STRIP2: variants seen among roughly 807,000 people sequenced by gnomAD.
The protein encoded by STRIP2 is striatin-interacting protein 2.
In STRIP2, 84 loss-of-function variants were observed where a neutral mutation model predicts 107.1. The ratio of observed to expected loss-of-function variants is 0.78; its 90% confidence interval spans 0.66 to 0.94. The LOEUF (loss-of-function observed/expected upper bound fraction) is 0.94. Among genes scored for constraint, STRIP2 ranks in the 40% least tolerant of loss-of-function variants. STRIP2 has a pLI of 0.00. For missense variants in STRIP2, 888 were observed against 1,034.2 expected (o/e 0.86, Z 1.94); for synonymous variants, 394 against 400.4 (o/e 0.98, Z 0.19).
At position 129,486,375 on chromosome 7, in the gene STRIP2, GATTTACT is replaced by G. The variant is rs1280754148; in HGVS notation, c.*550_*556del. 6.3e-6 allele frequency: 1 copy of G among 159,334 alleles called. No individual in the cohort carries two copies. The highest frequency in any genetic ancestry group is 1.4e-5 in the Non-Finnish European group (1 of 71,600). The allele number at this position is 159,334 out of a possible 1,614,324, so 9.9% of individuals were successfully genotyped here. On this transcript the variant is annotated 3_prime_UTR_variant, in exon 21 of 21. Coordinates refer to ENST00000249344, the MANE Select transcript of STRIP2 (RefSeq NM_020704.3). Reference sequence around the variant, plus strand: ...CTGCACCTTCTTTGTGAAGGATGATGATTTACTATTCCCTCAATACTGCATGTTATCG... The same window carrying G: ...CTGCACCTTCTTTGTGAAGGATGATGATTCCCTCAATACTGCATGTTATCG...
Position 129,483,406 on chromosome 7 carries a change from A to G in STRIP2, c.2254+360A>G. The G allele has an allele frequency of 1.3e-6, 1 of 787,406 alleles. No individual in the cohort carries two copies. The highest frequency in any genetic ancestry group is 1.6e-6 in the Non-Finnish European group (1 of 631,776). The allele number at this position is 787,406 out of a possible 1,614,324, so 48.8% of individuals were successfully genotyped here. A position where few individuals can be genotyped will look rare whatever the true frequency, so the allele number is the denominator to read the frequency against. ...AAAGATAGAAAATACAAGTAAACAA[A>G]CATTTTACTATATTATATTTATGCC... On this transcript the variant is annotated intron_variant, in intron 20 of 20. Coordinates refer to ENST00000249344, the MANE Select transcript of STRIP2 (RefSeq NM_020704.3). This position sits in a 1 kb window ranked among gnomAD's most constrained non-coding sequence, Gnocchi z 5.1.
chr7:129,463,145 C>T, intron 14 of STRIP2, 105 bp downstream of exon 14: 1 of 905,434 alleles, frequency 1.1e-6, no homozygotes, highest in Non-Finnish European at 1.7e-6. Context: ...GTTTCCTGAG[C>T]CTTTGCCCCT....
chr7:129,466,904 G>A (rs188172212), intron 16 of STRIP2, among the ~76,000 whole-genome samples: 1 of 152,184 alleles, frequency 6.6e-6, no homozygotes, highest in Non-Finnish European at 1.5e-5. Context: ...GGTCCATTTG[G>A]TTATTATGTG....
intron 13 of STRIP2, chr7:129,460,639 A>C (rs951141758): frequency 3.0e-5 from 13 of 438,826 alleles, no homozygotes; most frequent in Non-Finnish European, 5.1e-5. Context: ...TAGACTACTT[A>C]AGATTGGGCA....
In STRIP2 at chr7:129,435,107, C is replaced by T. The variant is rs148116095; in HGVS notation, c.129+506C>T. ...GGACTTCTGCCCGTTCCCTGCCCGT[C>T]CCCTTCCCCCCGTAAGTCTTAGGCC... is the stretch of plus-strand genomic sequence containing the variant. On this transcript the variant is annotated intron_variant, in intron 1 of 20. Transcript: ENST00000249344. 4.1e-3 allele frequency among the ~76,000 whole-genome samples: 619 copies of T among 152,314 alleles called. 2 individuals are homozygous for T. Among genetic ancestry groups the T allele is most frequent in the Middle Eastern group, 0.01 (3 of 294 alleles).
rs748125456 is a variant in STRIP2, at chr7:129,434,499, C to A, written c.27C>A (p.Thr9=). 2 of 1,516,720 alleles carry A rather than the reference C, an allele frequency of 1.3e-6. No individual in the cohort carries two copies. Among genetic ancestry groups the A allele is most frequent in the Admixed American group, 2.0e-5 (1 of 49,954 alleles). The allele number at this position is 1,516,720 out of a possible 1,614,324, so 94.0% of individuals were successfully genotyped here. A position where few individuals can be genotyped will look rare whatever the true frequency, so the allele number is the denominator to read the frequency against. The change falls in exon 1 of 21, where the codon ACC becomes ACA. Residue 9 remains threonine, a synonymous_variant. Coordinates refer to ENST00000249344, the MANE Select transcript of STRIP2 (RefSeq NM_020704.3). MEDPAAPG[T]GGPPANGNGN... ...TGGAGGACCCCGCCGCGCCTGGGAC[C>A]GGGGGCCCGCCCGCAAATGGCAATG... is the stretch of plus-strand genomic sequence containing the variant.
chr7:129,458,618 T>A lies in STRIP2; in HGVS notation c.1275-94T>A. Reference sequence around the variant, plus strand: ...CTGCCTTTTTCCACTGCTCCAGTCCTCTGATTGGAGGGATAGGAGCCCGGA... The same window carrying A: ...CTGCCTTTTTCCACTGCTCCAGTCCACTGATTGGAGGGATAGGAGCCCGGA... On this transcript the variant is annotated intron_variant, in intron 10 of 20. Coordinates refer to ENST00000249344, the MANE Select transcript of STRIP2 (RefSeq NM_020704.3). This position sits in a 1 kb window ranked among gnomAD's most constrained non-coding sequence, Gnocchi z 4.6. 2 of 1,424,404 alleles carry A rather than the reference T, an allele frequency of 1.4e-6. No homozygotes were observed. The highest frequency in any genetic ancestry group is 2.4e-5 in the South Asian group (2 of 83,856). 88.2% of individuals were successfully genotyped at this position (1,424,404 alleles called of 1,614,324 possible). A position where few individuals can be genotyped will look rare whatever the true frequency, so the allele number is the denominator to read the frequency against.
At position 129,451,687 on chromosome 7, in the gene STRIP2, GA is replaced by G; in HGVS notation, c.350del (p.Glu117GlyfsTer9). ...AYIMGLLDRL[E>X]VVSRERRLKV... Reference sequence around the variant, plus strand: ...TATAATGGGACTCTTGGACCGGCTAGAGGTGGTCAGTAGGGAACGGCGGCTG... The same window carrying G: ...TATAATGGGACTCTTGGACCGGCTAGGGTGGTCAGTAGGGAACGGCGGCTG... On this transcript the variant is annotated frameshift_variant, in exon 4 of 21. Coordinates refer to ENST00000249344, the MANE Select transcript of STRIP2 (RefSeq NM_020704.3). LOFTEE classifies it high-confidence loss of function. 1 of 1,614,142 alleles carries G rather than the reference GA, an allele frequency of 6.2e-7. No individual in the cohort carries two copies. The highest frequency in any genetic ancestry group is 8.5e-7 in the Non-Finnish European group (1 of 1,180,034).
chr7:129,459,631 G>A, intron 12 of STRIP2, 51 bp downstream of exon 12: 1 of 1,499,312 alleles, frequency 6.7e-7, no homozygotes, highest in Non-Finnish European at 9.3e-7. Flanking sequence ...ATCAAAGCAG[G>A]TCAGATTACC....
At chr7:129,475,495 G>T (rs891533179) in intron 18 of STRIP2, among the ~76,000 whole-genome samples, 2 of 148,674 alleles carry the variant, frequency 1.3e-5, no homozygotes, top group South Asian at 4.3e-4. Context: ...GGGGCCTTCC[G>T]CAGTGTTTGT....
chr7:129,477,864 A>G (rs2151017548), intron 18 of STRIP2: 1 of 477,854 alleles, frequency 2.1e-6, no homozygotes, highest in Non-Finnish European at 4.2e-6. Flanking sequence ...CTGTGAGCCC[A>G]TGTAGACACC....
At chr7:129,464,576 C>G in intron 15 of STRIP2, 36 bp from the exon 16 acceptor site, 3 of 1,612,684 alleles carry the variant, frequency 1.9e-6, no homozygotes, top group Non-Finnish European at 2.5e-6. Context: ...CCTTTAAGGC[C>G]ACTCTCTGCA....
chr7:129,474,946 C>T (rs985685518), intron 18 of STRIP2, among the ~76,000 whole-genome samples: 1 of 152,180 alleles, frequency 6.6e-6, no homozygotes, highest in Non-Finnish European at 1.5e-5. Flanking sequence ...GAAGTATTCC[C>T]ATTTTGTCAA....
chr7:129,462,936 CATT>C, intron 13 of STRIP2, 27 bp from the exon 14 acceptor site: 5 of 1,597,990 alleles, frequency 3.1e-6, no homozygotes, highest in Non-Finnish European at 3.4e-6. Flanking sequence ...TGGAAAGTGG[CATT>C]GCCAAACCAT....
At chr7:129,451,499 G>A (rs1448602442) in intron 3 of STRIP2, 114 bp from the exon 4 acceptor site, 14 of 1,357,664 alleles carry the variant, frequency 1.0e-5, no homozygotes, top group Non-Finnish European at 1.4e-5. Flanking sequence ...GAAAGCTTTT[G>A]GAGAAAATAA....
chr7:129,446,707 G>A (rs1038658254), intron 3 of STRIP2, among the ~76,000 whole-genome samples: 1 of 152,184 alleles, frequency 6.6e-6, no homozygotes, highest in African/African-American at 2.4e-5. Flanking sequence ...GGGGAAAGAA[G>A]CCAGGGTGGC....
intron 18 of STRIP2, chr7:129,478,061 C>G (rs1046318546): frequency 1.2e-5 from 4 of 339,174 alleles, no homozygotes; most frequent in African/African-American, 6.6e-5. Context: ...GGTGGTGATA[C>G]GAAGAAATAG....
At chr7:129,482,388 T>C (rs1799147466) in intron 19 of STRIP2, among the ~76,000 whole-genome samples, 1 of 140,840 alleles carries the variant, frequency 7.1e-6, no homozygotes, top group South Asian at 2.3e-4. Context: ...TTTTTTTTTT[T>C]TTTTTTTGAG....
intron 20 of STRIP2, 117 bp from the exon 21 acceptor site, chr7:129,485,455 CAAAAAAA>C (rs34127145): frequency 6.4e-5 from 49 of 770,668 alleles, no homozygotes; most frequent in African/African-American, 6.0e-4. Flanking sequence ...TTGCTCTTTA[CAAAAAAA>C]AAAAAAAAAA....
Sources: allele counts gnomAD v4.1 joint callset (sites outside exome capture counted in the v4.1 genomes callset), GRCh38; gene constraint gnomAD v4.1.1; non-coding constraint Gnocchi (gnomAD v3.1); transcripts MANE v1.5; gene names NCBI Gene and HGNC (gene_info 2026-07-23, HGNC 2026-07-21).